Variants in GRM7 observed in about 807,000 individuals in gnomAD.
GRM7 encodes the protein metabotropic glutamate receptor 7.
In GRM7, 35 loss-of-function variants were observed where a neutral mutation model predicts 84.5. The ratio of observed to expected loss-of-function variants is 0.41; its 90% CI spans 0.32 to 0.55. The LOEUF is 0.55. Among genes scored for constraint, GRM7 ranks in the 20% least tolerant of loss-of-function variants. The probability of loss-of-function intolerance (pLI) is 0.19; values close to 1 mark genes in which losing one functional copy is unlikely to be tolerated. For missense variants in GRM7, 1,003 were observed against 1,194.6 expected, an observed-to-expected ratio of 0.84 and a Z score of 2.36; for synonymous variants, 487 against 455.1, an observed-to-expected ratio of 1.07 and a Z score of -0.89.
chr3:7,557,705 G>A (rs367879555), intron 7 of GRM7, among the ~76,000 whole-genome samples: 131 of 152,058 alleles, frequency 8.6e-4, no homozygotes, highest in African/African-American at 3.1e-3. Flanking sequence ...AACCTACCTG[G>A]CAATTGTAAA....
chr3:6,935,549 T>TGAAAACAGA (rs1300613738), intron 1 of GRM7, among the ~76,000 whole-genome samples: 1 of 151,936 alleles, frequency 6.6e-6, no homozygotes, highest in Non-Finnish European at 1.5e-5. Flanking sequence ...ACCTGCTCTG[T>TGAAAACAGA]GAAAACAGAT....
At chr3:7,732,625 A>G (rs964713404) in intron 9 of GRM7, among the ~76,000 whole-genome samples, 3 of 152,214 alleles carry the variant, frequency 2.0e-5, no homozygotes, top group African/African-American at 7.2e-5. Context: ...TGGCTTCTCA[A>G]GTACGACTGC....
At chr3:7,100,862 C>T (rs1699087902) in intron 1 of GRM7, among the ~76,000 whole-genome samples, 1 of 151,802 alleles carries the variant, frequency 6.6e-6, no homozygotes, top group South Asian at 2.1e-4. Context: ...GTCTTGCAAT[C>T]TCTTGTATCT....
At chr3:7,011,862 G>C (rs1187237796) in intron 1 of GRM7, among the ~76,000 whole-genome samples, 1 of 152,104 alleles carries the variant, frequency 6.6e-6, no homozygotes, top group Non-Finnish European at 1.5e-5. Context: ...TTTTATATTT[G>C]AGCTCCTACA....
chr3:7,238,989 C>A, intron 2 of GRM7, among the ~76,000 whole-genome samples: 2 of 91,372 alleles, frequency 2.2e-5, no homozygotes, highest in East Asian at 3.1e-4. Context: ...CCTTTCTTTT[C>A]TTTTTTCCTT....
intron 1 of GRM7, among the ~76,000 whole-genome samples, chr3:7,103,816 T>TTCTTTCTTTCTTTCTTTCTC (rs1553617438): frequency 1.1e-4 from 10 of 89,094 alleles, no homozygotes; most frequent in African/African-American, 4.8e-4. Context: ...CTTTCTTTCT[T>TTCTTTCTTTCTTTCTTTCTC]TCTCTCTCTC....
At chr3:7,289,106 G>T (rs1699530538) in intron 2 of GRM7, among the ~76,000 whole-genome samples, 1 of 152,092 alleles carries the variant, frequency 6.6e-6, no homozygotes, top group African/African-American at 2.4e-5. Context: ...TGCACAGTGG[G>T]ACATTTTTAC....
At chr3:7,698,442 A>T (rs1701105410) in intron 9 of GRM7, among the ~76,000 whole-genome samples, 1 of 152,244 alleles carries the variant, frequency 6.6e-6, no homozygotes, top group Non-Finnish European at 1.5e-5. Context: ...ACTGAGGTAC[A>T]GATATTTTAA....
chr3:7,153,987 G>A, intron 2 of GRM7, among the ~76,000 whole-genome samples: 1 of 152,156 alleles, frequency 6.6e-6, no homozygotes, highest in East Asian at 1.9e-4. Context: ...AGTGGTTTGT[G>A]GATGACATAC....
chr3:7,033,402 A>G (rs1696261245), intron 1 of GRM7, among the ~76,000 whole-genome samples: 2 of 152,204 alleles, frequency 1.3e-5, no homozygotes, highest in Non-Finnish European at 2.9e-5. Context: ...TATAATATGA[A>G]GAACCTAAAA....
At chr3:6,897,941 G>T (rs180940995) in intron 1 of GRM7, among the ~76,000 whole-genome samples, 9 of 152,254 alleles carry the variant, frequency 5.9e-5, no homozygotes, top group Admixed American at 3.9e-4. Flanking sequence ...TTAAGTTGAG[G>T]GATGCCGCCA....
intron 1 of GRM7, among the ~76,000 whole-genome samples, chr3:6,902,354 A>G (rs1227431453): frequency 6.6e-6 from 1 of 152,186 alleles, no homozygotes; most frequent in African/African-American, 2.4e-5. Flanking sequence ...AATTTTAGGC[A>G]ACCACAATGT....
chr3:7,354,006 A>C (rs955495807), intron 4 of GRM7, among the ~76,000 whole-genome samples: 22 of 152,318 alleles, frequency 1.4e-4, no homozygotes, highest in African/African-American at 5.3e-4. Flanking sequence ...CAAGTGAACA[A>C]AAGTCTAATT....
chr3:7,649,835 G>A (rs557082584), intron 8 of GRM7, among the ~76,000 whole-genome samples: 76 of 151,716 alleles, frequency 5.0e-4, no homozygotes, highest in Non-Finnish European at 9.6e-4. Flanking sequence ...AAAAAAATAG[G>A]AAACAGGTTT....
intron 1 of GRM7, among the ~76,000 whole-genome samples, chr3:6,933,989 A>C (rs532977839): frequency 2.6e-5 from 4 of 152,184 alleles, no homozygotes; most frequent in Non-Finnish European, 4.4e-5. Context: ...GGTTGGGCTA[A>C]GTGAGGGAAA....
At chr3:7,231,208 T>C (rs1054839946) in intron 2 of GRM7, among the ~76,000 whole-genome samples, 2 of 152,082 alleles carry the variant, frequency 1.3e-5, no homozygotes, top group East Asian at 1.9e-4. Context: ...ACATGTGAGA[T>C]TGTGATTCCT....
chr3:7,226,204 CAT>C (rs1200425457), intron 2 of GRM7, among the ~76,000 whole-genome samples: 5 of 152,150 alleles, frequency 3.3e-5, no homozygotes, highest in Non-Finnish European at 7.3e-5. Context: ...TAAAACAACA[CAT>C]ATTGATTATC....
intron 4 of GRM7, among the ~76,000 whole-genome samples, chr3:7,407,391 A>G (rs1695727391): frequency 6.6e-6 from 1 of 152,204 alleles, no homozygotes; most frequent in Non-Finnish European, 1.5e-5. Flanking sequence ...GTGGGCCATT[A>G]AGCTCACATG....
At chr3:7,389,583 T>C (rs2125139203) in intron 4 of GRM7, among the ~76,000 whole-genome samples, 1 of 152,268 alleles carries the variant, frequency 6.6e-6, no homozygotes, top group African/African-American at 2.4e-5. Flanking sequence ...TTAAGTCTTC[T>C]TGTTGAATTA....
Sources: gnomAD v4.1 joint callset for allele counts (sites outside exome capture counted in the v4.1 genomes callset) on GRCh38, gnomAD v4.1.1 for gene constraint, MANE v1.5 for transcripts, NCBI Gene and HGNC (gene_info 2026-07-23, HGNC 2026-07-21) for gene names.